The following CFAP54 variants were observed in gnomAD, a reference collection of about 807,000 sequenced individuals.
CFAP54 encodes the protein cilia and flagella associated protein 54.
CFAP54 carries 290 observed loss-of-function variants against 370.4 expected under a neutral mutation model. That is an observed-to-expected ratio of 0.78 (90% CI 0.71 to 0.86). The LOEUF is 0.86. Among genes scored for constraint, CFAP54 ranks in the 40% least tolerant of loss-of-function variants. The probability of loss-of-function intolerance (pLI) is 0.00; values close to 1 mark genes in which losing one functional copy is unlikely to be tolerated. For missense variants in CFAP54, 3,399 were observed against 3,528.7 expected (o/e 0.96, Z 0.93); for synonymous variants, 1,206 against 1,236.5 (o/e 0.98, Z 0.52).
At chr12:96,866,987 G>A (rs1460035178) in intron 67 of CFAP54, among the ~76,000 whole-genome samples, 2 of 152,128 alleles carry the variant, frequency 1.3e-5, no homozygotes, top group Non-Finnish European at 2.9e-5. Flanking sequence ...AAATGTTTAG[G>A]CCTGCTGGGG....
chr12:96,656,306 C>T (rs201949453), intron 36 of CFAP54, among the ~76,000 whole-genome samples: 5 of 151,970 alleles, frequency 3.3e-5, no homozygotes, highest in East Asian at 1.9e-4. Context: ...TCTCTCCCCC[C>T]CCCTCCCCTT....
At chr12:96,825,556 A>G (rs1199627136) in intron 65 of CFAP54, among the ~76,000 whole-genome samples, 3 of 117,978 alleles carry the variant, frequency 2.5e-5, no homozygotes, top group African/African-American at 6.9e-5. Flanking sequence ...TATATATTAT[A>G]TATACTATAT....
At chr12:96,799,576 T>C (rs1043803598) in intron 63 of CFAP54, among the ~76,000 whole-genome samples, 1 of 152,208 alleles carries the variant, frequency 6.6e-6, no homozygotes, top group Non-Finnish European at 1.5e-5. Context: ...GCTGGAAATC[T>C]GCTACTAACT....
chr12:96,492,065 A>T (rs976204889), intron 1 of CFAP54, among the ~76,000 whole-genome samples: 2 of 152,122 alleles, frequency 1.3e-5, no homozygotes, highest in African/African-American at 4.8e-5. Context: ...CGGCTTATAC[A>T]TTTATATTTA....
intron 25 of CFAP54, among the ~76,000 whole-genome samples, chr12:96,594,652 G>T (rs564226070): frequency 1.3e-5 from 2 of 152,276 alleles, no homozygotes; most frequent in South Asian, 4.1e-4. Flanking sequence ...AGGTTTCTCT[G>T]AAAATATTCG....
chr12:96,590,610 T>G (rs1956114656), intron 23 of CFAP54, among the ~76,000 whole-genome samples: 1 of 152,184 alleles, frequency 6.6e-6, no homozygotes, highest in South Asian at 2.1e-4. Flanking sequence ...ACAAGGATGC[T>G]ATGTGCTATG....
chr12:96,826,929 TA>T (rs1480995537), intron 65 of CFAP54, among the ~76,000 whole-genome samples: 1 of 129,848 alleles, frequency 7.7e-6, no homozygotes, highest in Non-Finnish European at 1.5e-5. Context: ...TGATTATATA[TA>T]ATATGCAATT....
At chr12:96,515,551 C>T (rs1000886045) in intron 5 of CFAP54, among the ~76,000 whole-genome samples, 5 of 152,238 alleles carry the variant, frequency 3.3e-5, no homozygotes, top group Admixed American at 3.3e-4. Context: ...GGAGACAAGT[C>T]TTTGGAGGTC....
intron 66 of CFAP54, among the ~76,000 whole-genome samples, chr12:96,831,221 C>T (rs1022227880): frequency 1.3e-5 from 2 of 152,112 alleles, no homozygotes; most frequent in African/African-American, 4.8e-5. Context: ...GAACCAGCAA[C>T]AAAGATTCCA....
At chr12:96,654,964 A>G (rs1956905454) in intron 36 of CFAP54, among the ~76,000 whole-genome samples, 1 of 151,970 alleles carries the variant, frequency 6.6e-6, no homozygotes, top group African/African-American at 2.4e-5. Context: ...ACCAATAGGC[A>G]TTCTTTGGGG....
At chr12:96,496,487 G>C (rs984860190) in intron 1 of CFAP54, among the ~76,000 whole-genome samples, 1 of 152,226 alleles carries the variant, frequency 6.6e-6, no homozygotes, top group South Asian at 2.1e-4. Context: ...TTTGTAGAAG[G>C]CTGCTTTGTC....
Position 96,799,768 on chromosome 12 carries a change from G to A in CFAP54, c.8850+7269G>A, listed in dbSNP as rs114441927. 8.9e-3 allele frequency among the ~76,000 whole-genome samples: 1,358 copies of A among 152,276 alleles called. 28 individuals carry two copies. The highest frequency in any genetic ancestry group is 0.032 in the African/African-American group (1,312 of 41,550). ...AATTTGTAGTCTCTTTTAGGGGAAT[G>A]TAGTGCAGTAGTTTTCAAATTATGA... On this transcript the variant is annotated intron_variant, in intron 63 of 67. Transcript: ENST00000524981.
chr12:96,695,314 A>G (rs554536916), intron 45 of CFAP54, among the ~76,000 whole-genome samples: 7 of 152,346 alleles, frequency 4.6e-5, no homozygotes, highest in African/African-American at 1.7e-4. Context: ...TTAAACTTCC[A>G]TTTGAATTTC....
chr12:96,688,825 T>C, intron 42 of CFAP54, 91 bp from the exon 43 acceptor site: 2 of 619,176 alleles, frequency 3.2e-6, no homozygotes, highest in South Asian at 4.3e-5. Flanking sequence ...CTTATACTTT[T>C]TGTGTTCTAG....
intron 65 of CFAP54, among the ~76,000 whole-genome samples, chr12:96,828,419 A>G (rs906469560): frequency 1.6e-4 from 24 of 152,008 alleles, no homozygotes; most frequent in African/African-American, 5.8e-4. Flanking sequence ...GTCTTCTCCC[A>G]CATTGGCCTA....
At chr12:96,536,889 G>T (rs767086007) in intron 12 of CFAP54, among the ~76,000 whole-genome samples, 1 of 152,192 alleles carries the variant, frequency 6.6e-6, no homozygotes, top group Non-Finnish European at 1.5e-5. Flanking sequence ...GCCTCCCAAC[G>T]TGCTGGGATT....
intron 39 of CFAP54, among the ~76,000 whole-genome samples, 178 bp from the exon 40 acceptor site, chr12:96,679,422 T>C (rs1224498916): frequency 1.3e-5 from 2 of 151,200 alleles, no homozygotes; most frequent in Admixed American, 6.6e-5. Context: ...CCTTCTGGTA[T>C]ACTAAAAGAA....
intron 65 of CFAP54, among the ~76,000 whole-genome samples, chr12:96,824,178 G>T (rs1959062184): frequency 1.3e-5 from 2 of 152,142 alleles, no homozygotes; most frequent in Admixed American, 6.5e-5. Flanking sequence ...GCTGGGACAG[G>T]CGAGCTCCCT....
intron 66 of CFAP54, among the ~76,000 whole-genome samples, chr12:96,834,250 C>T (rs772404288): frequency 6.6e-6 from 1 of 152,172 alleles, no homozygotes; most frequent in East Asian, 1.9e-4. Flanking sequence ...AGGATATTAG[C>T]GGTCAAGGGA....
Sources: allele counts gnomAD v4.1 joint callset (sites outside exome capture counted in the v4.1 genomes callset), GRCh38; gene constraint gnomAD v4.1.1; transcripts MANE v1.5; gene names NCBI Gene and HGNC (gene_info 2026-07-23, HGNC 2026-07-21).